Variants in DGKD observed in about 807,000 individuals in gnomAD.
DGKD encodes diacylglycerol kinase delta.
A neutral mutation model predicts 154.4 loss-of-function variants in DGKD; 68 were observed. The observed-to-expected ratio is 0.44, with a 90% CI of 0.36 to 0.54. The LOEUF (loss-of-function observed/expected upper bound fraction) is 0.54. DGKD is among the 20% of genes least tolerant of loss of function. The pLI, the probability that DGKD is intolerant of heterozygous loss-of-function variation, is 0.00. For missense variants in DGKD, 1,343 were observed against 1,593.6 expected, an observed-to-expected ratio of 0.84 and a Z score of 2.68; for synonymous variants, 693 against 638.0, an observed-to-expected ratio of 1.09 and a Z score of -1.30.
intron 1 of DGKD, among the ~76,000 whole-genome samples, chr2:233,370,567 C>CTTTTTT (rs201017453): frequency 5.5e-4 from 63 of 114,306 alleles, no homozygotes; most frequent in African/African-American, 1.5e-3. Context: ...TTCAGAACTT[C>CTTTTTT]TTCTTTTTTT....
chr2:233,419,460 G>A (rs2062046764), intron 3 of DGKD: 1 of 985,104 alleles, frequency 1.0e-6, no homozygotes, highest in Admixed American at 6.1e-5. Context: ...CATACTGGGA[G>A]GCTGTTGGGT....
rs2062892970 is a variant in DGKD, at chr2:233,441,631, G to A, written c.1086-256G>A. ...TGCAGAGCGTGCAGTGGCTCACCAAGCTGAGTGGTCTTGTCGCTGGGTGGG... is the reference window on the plus strand; with the variant it reads ...TGCAGAGCGTGCAGTGGCTCACCAAACTGAGTGGTCTTGTCGCTGGGTGGG... On this transcript the variant is annotated intron_variant, in intron 9 of 29. Transcript: ENST00000264057. This position sits in a 1 kb window ranked among gnomAD's most constrained non-coding sequence, Gnocchi z 5.6. Among the ~76,000 whole-genome samples, 1 of 151,740 alleles carries A rather than the reference G, an allele frequency of 6.6e-6. No homozygotes were observed. The highest frequency in any genetic ancestry group is 1.5e-5 in the Non-Finnish European group (1 of 67,728).
intron 3 of DGKD, among the ~76,000 whole-genome samples, chr2:233,403,761 T>C (rs1244974299): frequency 6.6e-6 from 1 of 151,450 alleles, no homozygotes; most frequent in Non-Finnish European, 1.5e-5. Flanking sequence ...TGCCTCAGCC[T>C]CCTGAGTAGC....
intron 3 of DGKD, among the ~76,000 whole-genome samples, chr2:233,424,538 ACCG>A (rs903321362): frequency 2.6e-5 from 4 of 152,184 alleles, no homozygotes; most frequent in Non-Finnish European, 4.4e-5. Context: ...TGTGCCAGAC[ACCG>A]CTTGTACTGA....
intron 3 of DGKD, among the ~76,000 whole-genome samples, chr2:233,401,906 T>G (rs2061566536): frequency 9.1e-6 from 1 of 109,634 alleles, no homozygotes; most frequent in Admixed American, 1.4e-4. Context: ...GGCGACAGAG[T>G]GAGACTCTGT....
At chr2:233,447,820 C>T (rs762051464) in intron 12 of DGKD, 32 of 1,268,022 alleles carry the variant, frequency 2.5e-5, no homozygotes, top group Middle Eastern at 3.2e-4. Context: ...TAGCACAGGC[C>T]GTGCTGGGAT....
intron 3 of DGKD, among the ~76,000 whole-genome samples, chr2:233,424,759 T>C (rs897539697): frequency 1.3e-5 from 2 of 152,210 alleles, no homozygotes; most frequent in Non-Finnish European, 2.9e-5. Context: ...CGTCAGGTTG[T>C]GGAGAAGCTG....
intron 24 of DGKD, among the ~76,000 whole-genome samples, chr2:233,460,833 A>G (rs1043008009): frequency 8.5e-5 from 13 of 152,106 alleles, no homozygotes; most frequent in Non-Finnish European, 1.8e-4. Flanking sequence ...CGGAGGTTGC[A>G]GTGAGCCGAG....
In DGKD at chr2:233,459,460, C is replaced by T. The variant is rs568128515; in HGVS notation, c.2695-297C>T. Reference sequence around the variant, plus strand: ...GCCCAGTGGCTTCTGGGAGCTACAACACCCCTGCCCCTGGGTTCTGACACC... The same window carrying T: ...GCCCAGTGGCTTCTGGGAGCTACAATACCCCTGCCCCTGGGTTCTGACACC... On this transcript the variant is annotated intron_variant, in intron 22 of 29. Coordinates refer to ENST00000264057, the MANE Select transcript of DGKD (RefSeq NM_152879.3). This position sits in a 1 kb window ranked among gnomAD's most constrained non-coding sequence, Gnocchi z 5.7. Among the ~76,000 whole-genome samples the T allele has an allele frequency of 1.7e-3, 266 of 152,124 alleles. 1 individual carries two copies. The highest frequency in any genetic ancestry group is 6.1e-3 in the African/African-American group (254 of 41,486).
chr2:233,459,585 A>C lies in DGKD; in HGVS notation c.2695-172A>C, dbSNP rs1024540672. On this transcript the variant is annotated intron_variant, in intron 22 of 29. Transcript: ENST00000264057. This position sits in a 1 kb window ranked among gnomAD's most constrained non-coding sequence, Gnocchi z 5.7. ...GAGAACAGACCCTCGGTTGAGTGACACAACAGCAGAAGGCTAGCTGCAGGC... is the reference window on the plus strand; with the variant it reads ...GAGAACAGACCCTCGGTTGAGTGACCCAACAGCAGAAGGCTAGCTGCAGGC... Among the ~76,000 whole-genome samples the C allele has an allele frequency of 6.6e-6, 1 of 152,178 alleles. No individual in the cohort carries two copies. Among genetic ancestry groups the C allele is most frequent in the Non-Finnish European group, 1.5e-5 (1 of 68,016 alleles).
intron 28 of DGKD, 59 bp downstream of exon 28, chr2:233,467,262 T>A: frequency 8.2e-7 from 1 of 1,224,612 alleles, no homozygotes; most frequent in Non-Finnish European, 1.2e-6. Context: ...ATCGGCCCCG[T>A]TCCCCTGGTC....
chr2:233,435,062 C>T (rs914387468), intron 5 of DGKD, among the ~76,000 whole-genome samples, 161 bp downstream of exon 5: 2 of 152,210 alleles, frequency 1.3e-5, no homozygotes, highest in African/African-American at 4.8e-5. Context: ...GTTTATTTTA[C>T]CTGCCGAAGA....
chr2:233,422,511 C>T (rs2062154413), intron 3 of DGKD, among the ~76,000 whole-genome samples: 1 of 152,146 alleles, frequency 6.6e-6, no homozygotes, highest in East Asian at 1.9e-4. Flanking sequence ...AGGACCTGGT[C>T]CTTTTCTTTG....
At position 233,449,288 on chromosome 2, in the gene DGKD, G is replaced by A. The variant is rs769469245; in HGVS notation, c.1800G>A (p.Pro600=). 1.4e-5 allele frequency: 23 copies of A among 1,613,128 alleles called. 1 individual carries two copies. Among genetic ancestry groups the A allele is most frequent in the Middle Eastern group, 1.6e-4 (1 of 6,072 alleles). ...RLVASACPAR[P]QIFRPREQLM... is the part of the protein sequence containing the mutation. Reference sequence around the variant, plus strand: ...TGGCATCAGCTTGCCCGGCCCGGCCGCAGATATTCCGGCCTCGAGAACAGC... The same window carrying A: ...TGGCATCAGCTTGCCCGGCCCGGCCACAGATATTCCGGCCTCGAGAACAGC... Residue 600 remains proline (P), a synonymous_variant, in exon 15 of 30, where the codon CCG becomes CCA. Coordinates refer to ENST00000264057, the MANE Select transcript of DGKD (RefSeq NM_152879.3). This position sits in a 1 kb window ranked among gnomAD's most constrained non-coding sequence, Gnocchi z 5.3.
intron 3 of DGKD, among the ~76,000 whole-genome samples, chr2:233,410,172 G>T (rs975303524): frequency 1.3e-5 from 2 of 152,062 alleles, no homozygotes; most frequent in Admixed American, 1.3e-4. Flanking sequence ...GCTATAGAGG[G>T]TGGGTCAAGA....
Position 233,442,196 on chromosome 2 carries a change from G to C in DGKD, c.1194+201G>C, listed in dbSNP as rs756426842. On this transcript the variant is annotated intron_variant, in intron 10 of 29. Coordinates refer to ENST00000264057, the MANE Select transcript of DGKD (RefSeq NM_152879.3). Reference sequence around the variant, plus strand: ...ACCCCCTGGCATTGTGGAGGCCCGGGGGCTCTGGCCATGATGTATGAGGGG... The same window carrying C: ...ACCCCCTGGCATTGTGGAGGCCCGGCGGCTCTGGCCATGATGTATGAGGGG... 38 of 688,318 alleles carry C rather than the reference G, an allele frequency of 5.5e-5. No individual in the cohort carries two copies. In the African/African-American group the frequency reaches 5.6e-4, roughly 10 times the overall value. 42.6% of individuals were successfully genotyped at this position (688,318 alleles called of 1,614,324 possible).
rs2063949628 is a variant in DGKD at position 233,469,730 on chromosome 2, G to A, written c.*270G>A. 3 of 460,158 alleles carry A rather than the reference G, an allele frequency of 6.5e-6. No homozygotes were observed. The highest frequency in any genetic ancestry group is 1.2e-5 in the Non-Finnish European group (3 of 253,158). 28.5% of individuals were successfully genotyped at this position (460,158 alleles called of 1,614,324 possible). A position where few individuals can be genotyped will look rare whatever the true frequency, so the allele number is the denominator to read the frequency against. Reference sequence around the variant, plus strand: ...GAGTCACCTGGGGCACATGTGTCACGGCCACTCAGCTCTCGCCCGCCTGTG... The same window carrying A: ...GAGTCACCTGGGGCACATGTGTCACAGCCACTCAGCTCTCGCCCGCCTGTG... On this transcript the variant is annotated 3_prime_UTR_variant, in exon 30 of 30. Transcript: ENST00000264057.
intron 26 of DGKD, among the ~76,000 whole-genome samples, chr2:233,463,327 ACATCTCCTCACTGCACG>A (rs1256916326): frequency 7.8e-6 from 1 of 127,930 alleles, no homozygotes; most frequent in Admixed American, 7.5e-5. Context: ...CTCACTCCAC[ACATCTCCTCACTGCACG>A]CATCTCACTC....
At position 233,445,757 on chromosome 2, in the gene DGKD, G is replaced by T. The variant is rs1226089780; in HGVS notation, c.1329G>T (p.Leu443=). 1 of 1,611,664 alleles carries T rather than the reference G, an allele frequency of 6.2e-7. No individual in the cohort carries two copies. The highest frequency in any genetic ancestry group is 1.7e-5 in the Admixed American group (1 of 59,740). The change falls in exon 11 of 30, where the codon CTG becomes CTT. Residue 443 remains leucine, a synonymous_variant. Coordinates refer to ENST00000264057, the MANE Select transcript of DGKD (RefSeq NM_152879.3). This position sits in a 1 kb window ranked among gnomAD's most constrained non-coding sequence, Gnocchi z 5.5. ...TGGAGAGAGCCAGCACCAAGATGCTGGACAGGTGAGTGGGGATGTGCTCCG... is the reference window on the plus strand; with the variant it reads ...TGGAGAGAGCCAGCACCAAGATGCTTGACAGGTGAGTGGGGATGTGCTCCG... ...EKLERASTKM[L]DRWSVMAYEA...
Sources: allele counts gnomAD v4.1 joint callset (sites outside exome capture counted in the v4.1 genomes callset), GRCh38; gene constraint gnomAD v4.1.1; non-coding constraint Gnocchi (gnomAD v3.1); transcripts MANE v1.5; gene names NCBI Gene and HGNC (gene_info 2026-07-23, HGNC 2026-07-21).